Variants in LRRTM4 observed in about 807,000 individuals in gnomAD.
LRRTM4 encodes leucine rich repeat transmembrane neuronal 4, also known as leucine-rich repeat transmembrane neuronal protein 4.
Under a neutral mutation model 47.6 loss-of-function variants are expected in LRRTM4, and 25 were observed. The ratio of observed to expected loss-of-function variants is 0.53; its 90% CI spans 0.38 to 0.73. The LOEUF is 0.73. Ranked by LOEUF, LRRTM4 falls within the 30% of genes least tolerant of loss-of-function variation. LRRTM4 has a pLI of 0.00. For missense variants in LRRTM4, 638 were observed against 713.4 expected (o/e 0.89, Z 1.20); for synonymous variants, 311 against 269.5 (o/e 1.15, Z -1.51).
intron 3 of LRRTM4, among the ~76,000 whole-genome samples, chr2:76,868,056 C>G (rs13353371): frequency 6.6e-6 from 1 of 152,100 alleles, no homozygotes; most frequent in Non-Finnish European, 1.5e-5. Flanking sequence ...CCTGTTGACT[C>G]AGATGTTCCG....
intron 3 of LRRTM4, among the ~76,000 whole-genome samples, chr2:77,072,552 C>A (rs1231247312): frequency 6.6e-6 from 1 of 152,044 alleles, no homozygotes; most frequent in Non-Finnish European, 1.5e-5. Flanking sequence ...AATCCCAGCA[C>A]TTAGGGAGAC....
chr2:76,774,261 T>G (rs902466706), intron 3 of LRRTM4, among the ~76,000 whole-genome samples: 1 of 152,034 alleles, frequency 6.6e-6, no homozygotes, highest in African/African-American at 2.4e-5. Context: ...CTTGGCTCAC[T>G]GCAACTTCCA....
At chr2:77,404,387 A>G (rs1480026928) in intron 3 of LRRTM4, among the ~76,000 whole-genome samples, 1 of 152,008 alleles carries the variant, frequency 6.6e-6, no homozygotes, top group African/African-American at 2.4e-5. Flanking sequence ...GTTTCATTCA[A>G]TTTGATGTCT....
intron 3 of LRRTM4, among the ~76,000 whole-genome samples, chr2:77,257,827 G>A (rs763893539): frequency 1.6e-4 from 24 of 151,946 alleles, no homozygotes; most frequent in Admixed American, 4.6e-4. Flanking sequence ...GACCATGTGG[G>A]AAGATATTCA....
chr2:77,283,692 C>A (rs551040570), intron 3 of LRRTM4, among the ~76,000 whole-genome samples: 3 of 152,074 alleles, frequency 2.0e-5, no homozygotes, highest in African/African-American at 4.8e-5. Flanking sequence ...CAGCTGGAGG[C>A]CATTATCCTA....
At position 77,473,351 on chromosome 2, in the gene LRRTM4, C is replaced by A. The variant is rs563546045; in HGVS notation, c.1551+44967G>T. On this transcript the variant is annotated intron_variant, in intron 3 of 3. Coordinates refer to ENST00000409884, the MANE Select transcript of LRRTM4 (RefSeq NM_001134745.3). ...GAGGCAGTTTTAGGATAAATAAGCT[C>A]ATTTTTATAACAAGAAACCATGTGA... Among the ~76,000 whole-genome samples the A allele has an allele frequency of 4.6e-5, 7 of 152,138 alleles. No individual in the cohort carries two copies. The South Asian group carries it at 1.5e-3, about 32-fold the overall frequency.
At chr2:76,780,484 C>G (rs1442014393) in intron 3 of LRRTM4, among the ~76,000 whole-genome samples, 1 of 151,710 alleles carries the variant, frequency 6.6e-6, no homozygotes, top group African/African-American at 2.4e-5. Context: ...TCCTCTAAAC[C>G]CCTTCTCGCT....
rs577275336 is a variant in LRRTM4 at position 77,165,765 on chromosome 2, C to T, written c.1551+352553G>A. Among the ~76,000 whole-genome samples, 4 of 152,308 alleles carry T rather than the reference C, an allele frequency of 2.6e-5. No individual in the cohort carries two copies. The South Asian group carries it at 6.2e-4, about 24-fold the overall frequency. On this transcript the variant is annotated intron_variant, in intron 3 of 3. Coordinates refer to ENST00000409884, the MANE Select transcript of LRRTM4 (RefSeq NM_001134745.3). ...CCTTCAACAAAATTCAACAGCCCTT[C>T]GTGCTAAAACCTCTCAATAAATTAG... is the stretch of plus-strand genomic sequence containing the variant.
At chr2:76,781,770 T>C (rs564026777) in intron 3 of LRRTM4, among the ~76,000 whole-genome samples, 6 of 152,102 alleles carry the variant, frequency 3.9e-5, no homozygotes, top group African/African-American at 1.4e-4. Context: ...TCATTTCTCT[T>C]ATTGATAAAT....
At chr2:77,031,882 T>C (rs1678671663) in intron 3 of LRRTM4, among the ~76,000 whole-genome samples, 1 of 152,128 alleles carries the variant, frequency 6.6e-6, no homozygotes, top group East Asian at 1.9e-4. Flanking sequence ...CTATCTTCTC[T>C]CCCTTCTTGT....
chr2:76,956,123 T>A (rs1675667996), intron 3 of LRRTM4, among the ~76,000 whole-genome samples: 2 of 150,972 alleles, frequency 1.3e-5, no homozygotes, highest in Non-Finnish European at 3.0e-5. Context: ...AGTGAAAGAA[T>A]GAAAAAAGAT....
intron 1 of LRRTM4, 77 bp from the exon 2 acceptor site, chr2:77,521,895 T>TCAG (rs1679527322): frequency 1.1e-5 from 3 of 265,260 alleles, no homozygotes; most frequent in Non-Finnish European, 2.0e-5. Context: ...ATATAAAAAA[T>TCAG]CAGCACAGGG....
chr2:77,189,248 CTCAAG>C (rs1384882645), intron 3 of LRRTM4, among the ~76,000 whole-genome samples: 2 of 152,130 alleles, frequency 1.3e-5, no homozygotes, highest in African/African-American at 4.8e-5. Context: ...CCCTCAAATG[CTCAAG>C]TCAAGACATT....
At chr2:77,051,537 G>T (rs1679431487) in intron 3 of LRRTM4, among the ~76,000 whole-genome samples, 1 of 152,162 alleles carries the variant, frequency 6.6e-6, no homozygotes, top group South Asian at 2.1e-4. Context: ...CTGAGTGACT[G>T]AAGCCAAAAT....
chr2:76,800,057 C>T (rs538311816), intron 3 of LRRTM4, among the ~76,000 whole-genome samples: 57 of 151,984 alleles, frequency 3.8e-4, no homozygotes, highest in African/African-American at 1.2e-3. Flanking sequence ...AATGCCATCC[C>T]CCTCAAGCTA....
chr2:77,009,791 A>C (rs936383673), intron 3 of LRRTM4: 3 of 152,070 alleles, frequency 2.0e-5, no homozygotes, highest in African/African-American at 7.2e-5. Context: ...CATGCCTCTT[A>C]TTACAGTGTA....
intron 3 of LRRTM4, among the ~76,000 whole-genome samples, chr2:76,984,368 G>T (rs1676721431): frequency 6.6e-6 from 1 of 151,686 alleles, no homozygotes; most frequent in Non-Finnish European, 1.5e-5. Flanking sequence ...GTAGCACCTG[G>T]TCATTACTAG....
chr2:76,820,199 G>A (rs1425153796), intron 3 of LRRTM4, among the ~76,000 whole-genome samples: 2 of 151,876 alleles, frequency 1.3e-5, no homozygotes, highest in Admixed American at 1.3e-4. Context: ...AAGTTCTCAT[G>A]TTGCATGACT....
chr2:77,355,208 G>A (rs1022537219), intron 3 of LRRTM4, among the ~76,000 whole-genome samples: 3 of 152,234 alleles, frequency 2.0e-5, no homozygotes, highest in Non-Finnish European at 4.4e-5. Flanking sequence ...ATGTAGGATA[G>A]CATCTTTTGG....
Sources: allele counts gnomAD v4.1 joint callset (sites outside exome capture counted in the v4.1 genomes callset), GRCh38; gene constraint gnomAD v4.1.1; transcripts MANE v1.5; gene names NCBI Gene and HGNC (gene_info 2026-07-23, HGNC 2026-07-21).